WWOX: variants seen among roughly 807,000 people sequenced by gnomAD.
WWOX encodes WW domain-containing oxidoreductase.
A neutral mutation model predicts 46.2 loss-of-function variants in WWOX; 69 were observed. The observed-to-expected ratio is 1.49, with a 90% CI of 1.23 to 1.82. The LOEUF (loss-of-function observed/expected upper bound fraction) is 1.82. Ranked by LOEUF, WWOX falls within the 40% of genes most tolerant of loss-of-function variation. The pLI, the probability that WWOX is intolerant of heterozygous loss-of-function variation, is 0.00. For missense variants in WWOX, 919 were observed against 542.6 expected (o/e 1.69, Z -6.89); for synonymous variants, 359 against 202.6 (o/e 1.77, Z -6.56).
intron 5 of WWOX, chr16:78,280,873 T>C (rs761555165): frequency 7.9e-5 from 12 of 152,864 alleles, no homozygotes; most frequent in Non-Finnish European, 1.5e-4. Context: ...ATCATCAGAA[T>C]TGTGTATTTT....
chr16:78,371,901 A>C (rs1256070815), intron 5 of WWOX, among the ~76,000 whole-genome samples: 7 of 152,194 alleles, frequency 4.6e-5, no homozygotes, highest in Non-Finnish European at 1.0e-4. Context: ...CTGATGTTTT[A>C]ATAGCTTAAC....
chr16:78,799,945 T>A (rs575849426), intron 8 of WWOX, among the ~76,000 whole-genome samples: 5 of 152,294 alleles, frequency 3.3e-5, no homozygotes, highest in Non-Finnish European at 5.9e-5. Flanking sequence ...CAGGCACTAG[T>A]TAGGAACTTC....
chr16:78,300,828 C>T (rs2080027040), intron 5 of WWOX, among the ~76,000 whole-genome samples: 1 of 152,168 alleles, frequency 6.6e-6, no homozygotes, highest in Non-Finnish European at 1.5e-5. Flanking sequence ...CAGCATATAA[C>T]TTGTAGGTTG....
intron 8 of WWOX, among the ~76,000 whole-genome samples, chr16:78,953,969 A>G (rs1229409789): frequency 6.6e-6 from 1 of 152,224 alleles, no homozygotes; most frequent in East Asian, 1.9e-4. Flanking sequence ...TCCCTGTGCA[A>G]GATGCTGCAG....
At chr16:79,126,733 G>T (rs1219954916) in intron 8 of WWOX, among the ~76,000 whole-genome samples, 1 of 152,156 alleles carries the variant, frequency 6.6e-6, no homozygotes, top group East Asian at 1.9e-4. Flanking sequence ...AGGGGTCAGT[G>T]GTGGACCCTG....
chr16:78,644,830 C>A (rs2550626), intron 8 of WWOX, among the ~76,000 whole-genome samples: 1 of 151,954 alleles, frequency 6.6e-6, no homozygotes, highest in Non-Finnish European at 1.5e-5. Context: ...TAAGAATACA[C>A]TAGTAGGTAC....
rs1410985737 is a variant in WWOX at position 78,337,881 on chromosome 16, T to C, written c.517-48979T>C. ...TGTGACCTCAGTGGTAGAGCTGATG[T>C]AGAAGCGCCCTCTCTGTTCCTGGCA... On this transcript the variant is annotated intron_variant, in intron 5 of 8. Coordinates refer to ENST00000566780, the MANE Select transcript of WWOX (RefSeq NM_016373.4). Among the ~76,000 whole-genome samples, 3 of 119,892 alleles carry C rather than the reference T, an allele frequency of 2.5e-5. 1 individual carries two copies. Among genetic ancestry groups the C allele is most frequent in the Non-Finnish European group, 6.0e-5 (3 of 50,394 alleles). 78.7% of individuals were successfully genotyped at this position (119,892 alleles called of 152,430 possible). A position where few individuals can be genotyped will look rare whatever the true frequency, so the allele number is the denominator to read the frequency against.
intron 8 of WWOX, among the ~76,000 whole-genome samples, chr16:78,862,136 CTATA>C (rs944510086): frequency 6.6e-6 from 1 of 151,684 alleles, no homozygotes; most frequent in Non-Finnish European, 1.5e-5. Context: ...CTATCTATAT[CTATA>C]CACACCTATG....
chr16:78,874,129 G>A (rs62036236), intron 8 of WWOX, among the ~76,000 whole-genome samples: 11 of 151,944 alleles, frequency 7.2e-5, no homozygotes, highest in African/African-American at 2.7e-4. Flanking sequence ...GGTGGCACAC[G>A]TCTGTAATCC....
chr16:78,598,548 G>A (rs550944293), intron 8 of WWOX, among the ~76,000 whole-genome samples: 2 of 152,272 alleles, frequency 1.3e-5, no homozygotes, highest in African/African-American at 2.4e-5. Flanking sequence ...GAGAGATTTT[G>A]ACCAGGCAGG....
chr16:78,567,022 G>C (rs190772065), intron 8 of WWOX, among the ~76,000 whole-genome samples: 1 of 151,904 alleles, frequency 6.6e-6, no homozygotes, highest in African/African-American at 2.4e-5. Flanking sequence ...CCAGGCATGA[G>C]GCTGAAGTCA....
At chr16:78,209,910 A>G (rs2036505351) in intron 5 of WWOX, among the ~76,000 whole-genome samples, 1 of 152,182 alleles carries the variant, frequency 6.6e-6, no homozygotes, top group Non-Finnish European at 1.5e-5. Context: ...GTAGCAGAAT[A>G]GTAATTTTCT....
chr16:78,811,258 A>G lies in WWOX; in HGVS notation c.1056+378506A>G, dbSNP rs551821161. On this transcript the variant is annotated intron_variant, in intron 8 of 8. Coordinates refer to ENST00000566780, the MANE Select transcript of WWOX (RefSeq NM_016373.4). ...ACATACATAGGTGTATTATTCTGCA[A>G]TTGCTGAGTAATTGATGATCCTTCA... Among the ~76,000 whole-genome samples the G allele has an allele frequency of 1.6e-4, 25 of 152,260 alleles. No individual in the cohort carries two copies. In the South Asian group the frequency reaches 2.9e-3, roughly 18 times the overall value.
intron 8 of WWOX, among the ~76,000 whole-genome samples, chr16:78,522,176 T>G (rs1490367183): frequency 4.0e-5 from 6 of 151,658 alleles, no homozygotes; most frequent in African/African-American, 1.5e-4. Flanking sequence ...AGAAGCTGAT[T>G]TGAGATTTAT....
In WWOX at chr16:79,097,746, C is replaced by T. The variant is rs80049339; in HGVS notation, c.1057-113862C>T. ...CTTTCTGTCTTTTATTTAGGGAAGGCGATCATGTTGGCACAGGGCATAAGA... is the reference window on the plus strand; with the variant it reads ...CTTTCTGTCTTTTATTTAGGGAAGGTGATCATGTTGGCACAGGGCATAAGA... On this transcript the variant is annotated intron_variant, in intron 8 of 8. Transcript: ENST00000566780. 1.6e-4 allele frequency among the ~76,000 whole-genome samples: 24 copies of T among 152,162 alleles called. No individual in the cohort carries two copies. The East Asian group carries it at 3.1e-3, about 20-fold the overall frequency.
At chr16:79,169,215 G>T (rs967910495) in intron 8 of WWOX, among the ~76,000 whole-genome samples, 4 of 152,176 alleles carry the variant, frequency 2.6e-5, no homozygotes, top group Non-Finnish European at 4.4e-5. Context: ...AGAGACAGGG[G>T]CATTTGGCTC....
chr16:78,691,200 C>G, intron 8 of WWOX: 1 of 701,794 alleles, frequency 1.4e-6, no homozygotes, highest in Non-Finnish European at 2.6e-6. Flanking sequence ...GTAGGTCCAG[C>G]GCCTAGAATT....
At chr16:78,833,127 C>T (rs937015037) in intron 8 of WWOX, among the ~76,000 whole-genome samples, 1 of 151,678 alleles carries the variant, frequency 6.6e-6, no homozygotes, top group African/African-American at 2.4e-5. Flanking sequence ...CTGCAGCCTC[C>T]AACTCCTAGG....
At chr16:78,535,309 G>A (rs923427805) in intron 8 of WWOX, 2 of 152,216 alleles carry the variant, frequency 1.3e-5, no homozygotes, top group African/African-American at 4.8e-5. Flanking sequence ...AACGCCCTCT[G>A]TCTGAGTCCG....
Sources: gnomAD v4.1 joint callset for allele counts (sites outside exome capture counted in the v4.1 genomes callset) on GRCh38, gnomAD v4.1.1 for gene constraint, MANE v1.5 for transcripts, NCBI Gene and HGNC (gene_info 2026-07-23, HGNC 2026-07-21) for gene names.